The following FAM53A variants were observed in gnomAD, a reference collection of about 807,000 sequenced individuals.
FAM53A encodes the protein family with sequence similarity 53 member A.
A neutral mutation model predicts 26.6 loss-of-function variants in FAM53A; 28 were observed. That is an observed-to-expected ratio of 1.05 (90% CI 0.78 to 1.45). The LOEUF is 1.45. FAM53A is among the 40% of genes most tolerant of loss of function. The pLI is 0.00. For synonymous variants in FAM53A, 290 were observed against 253.1 expected (o/e 1.15, Z -1.38); for missense variants, 650 against 575.8 (o/e 1.13, Z -1.32).
rs971255851 is a variant in FAM53A, at chr4:1,659,929, G to A, written c.76-2461C>T. On this transcript the variant is annotated intron_variant, in intron 2 of 4. Coordinates refer to ENST00000308132, the MANE Select transcript of FAM53A (RefSeq NM_001174070.3). The surrounding 1 kb of genome is among the most constrained non-coding windows in gnomAD (Gnocchi z 5.2). ...GGCCCCACCTCCAAATATTCATCCCGTCACCTTGAGGGTGAGGACTTCAAC... is the reference window on the plus strand; with the variant it reads ...GGCCCCACCTCCAAATATTCATCCCATCACCTTGAGGGTGAGGACTTCAAC... Among the ~76,000 whole-genome samples the A allele has an allele frequency of 1.6e-4, 24 of 152,126 alleles. No homozygotes were observed. Among genetic ancestry groups the A allele is most frequent in the Non-Finnish European group, 3.2e-4 (22 of 68,036 alleles).
At chr4:1,605,617 C>T in the FAM53A span, among the ~76,000 whole-genome samples, 573 of 140,756 alleles carry the variant, frequency 4.1e-3, 2 homozygotes, top group Non-Finnish European at 6.9e-3. This position sits in a 1 kb window ranked among gnomAD's most constrained non-coding sequence, Gnocchi z 5.7. Flanking sequence ...CAGGTGTGGA[C>T]GCGGCTCCTC....
At chr4:1,626,200 T>C (rs1577085837) in intron 1 of FAM53A, among the ~76,000 whole-genome samples, 1 of 152,122 alleles carries the variant, frequency 6.6e-6, no homozygotes, top group Non-Finnish European at 1.5e-5. Flanking sequence ...CCAGGGGCGG[T>C]TGGCCCAGGA....
At chr4:1,644,400 GA>G (rs765520268) in intron 4 of FAM53A, 2 of 1,519,380 alleles carry the variant, frequency 1.3e-6, no homozygotes, top group East Asian at 2.5e-5. Flanking sequence ...CGGTGCAGGA[GA>G]AAAAACTTCT....
At chr4:1,645,346 C>T (rs541507483) in intron 4 of FAM53A, among the ~76,000 whole-genome samples, 2 of 152,342 alleles carry the variant, frequency 1.3e-5, no homozygotes, top group African/African-American at 4.8e-5. Flanking sequence ...CCCCTTGTTG[C>T]CTCTGGTGAG....
intron 2 of FAM53A, among the ~76,000 whole-genome samples, chr4:1,664,388 G>A (rs1714073247): frequency 6.6e-6 from 1 of 152,164 alleles, no homozygotes; most frequent in Admixed American, 6.6e-5. Flanking sequence ...GGGTATGTAT[G>A]AAGACATACT....
downstream of FAM53A, among the ~76,000 whole-genome samples, chr4:1,635,087 C>T (rs545475682): frequency 1.3e-5 from 2 of 152,144 alleles, no homozygotes; most frequent in East Asian, 1.9e-4. Context: ...TCATAATATC[C>T]TCTATCTTTA....
At chr4:1,673,254 G>A (rs115930522) in intron 1 of FAM53A, among the ~76,000 whole-genome samples, 171 of 152,272 alleles carry the variant, frequency 1.1e-3, no homozygotes, top group African/African-American at 3.9e-3. Flanking sequence ...ACGGCAGGGA[G>A]GACATGTCCC....
the FAM53A span, among the ~76,000 whole-genome samples, chr4:1,581,850 C>T: frequency 6.6e-6 from 1 of 152,168 alleles, no homozygotes; most frequent in East Asian, 1.9e-4. Flanking sequence ...CCTCCTCATC[C>T]TCCCAAAGTG....
At chr4:1,610,497 G>A in the FAM53A span, among the ~76,000 whole-genome samples, 1 of 152,178 alleles carries the variant, frequency 6.6e-6, no homozygotes, top group African/African-American at 2.4e-5. Flanking sequence ...CAGGGCCCCT[G>A]TTTTCGGGGC....
chr4:1,596,748 T>C, the FAM53A span, among the ~76,000 whole-genome samples: 1 of 151,718 alleles, frequency 6.6e-6, no homozygotes, highest in African/African-American at 2.4e-5. Flanking sequence ...ACTTCTCCCA[T>C]GAAACTTCCT....
At chr4:1,685,762 C>G (rs1715778792), upstream of FAM53A, among the ~76,000 whole-genome samples, 1 of 152,164 alleles carries the variant, frequency 6.6e-6, no homozygotes, top group Non-Finnish European at 1.5e-5. Flanking sequence ...CTGCAACAGT[C>G]AGGCTGTGCT....
chr4:1,667,719 G>C (rs146416910), intron 2 of FAM53A, among the ~76,000 whole-genome samples: 401 of 152,214 alleles, frequency 2.6e-3, no homozygotes, highest in African/African-American at 9.2e-3. Flanking sequence ...ACACGCAAGG[G>C]GCTACAAATG....
In FAM53A at chr4:1,656,369, T is replaced by C. The variant is rs1028918717; in HGVS notation, c.137-646A>G. Among the ~76,000 whole-genome samples, 16 of 152,090 alleles carry C rather than the reference T, an allele frequency of 1.1e-4. No individual in the cohort carries two copies. The East Asian group carries it at 1.2e-3, about 11-fold the overall frequency. ...AGCCTGGAGAGCAAGGCCAGGTGCA[T>C]GGGCCTGGCATGGAGTCTGCCCAGT... On this transcript the variant is annotated intron_variant, in intron 3 of 4. Transcript: ENST00000308132.
chr4:1,679,314 G>T (rs1054911277), intron 1 of FAM53A, among the ~76,000 whole-genome samples: 1 of 148,464 alleles, frequency 6.7e-6, no homozygotes, highest in African/African-American at 2.5e-5. Flanking sequence ...TTGAACCCAG[G>T]AGCTGAGGTT....
intron 3 of FAM53A, 108 bp from the exon 4 acceptor site, chr4:1,655,831 T>G: frequency 7.7e-7 from 1 of 1,297,166 alleles, no homozygotes; most frequent in Non-Finnish European, 1.0e-6. Flanking sequence ...CACAACCCCA[T>G]CGCCGCCACC....
the FAM53A span, among the ~76,000 whole-genome samples, chr4:1,586,503 C>T: frequency 5.2e-3 from 797 of 152,046 alleles, 1 homozygote; most frequent in African/African-American, 0.011. Context: ...AGGCCAGGCG[C>T]GGTGGCTCAC....
chr4:1,668,806 G>C lies in FAM53A; in HGVS notation c.-65C>G. On this transcript the variant is annotated 5_prime_UTR_variant, in exon 2 of 5. Transcript: ENST00000308132. The stretch of plus-strand genomic sequence containing the variant: ...TGGAGTCCTGGAACATCAGACTTGC[G>C]AAGGCCCCAGCATTGCTGGGTCAGC... 6.6e-7 allele frequency: 1 copy of C among 1,523,284 alleles called. No individual in the cohort carries two copies. The highest frequency in any genetic ancestry group is 9.1e-7 in the Non-Finnish European group (1 of 1,100,064). 94.4% of individuals were successfully genotyped at this position (1,523,284 alleles called of 1,614,324 possible). A position where few individuals can be genotyped will look rare whatever the true frequency, so the allele number is the denominator to read the frequency against.
chr4:1,648,829 C>A (rs1021510260), intron 4 of FAM53A, among the ~76,000 whole-genome samples: 2 of 152,146 alleles, frequency 1.3e-5, no homozygotes, highest in African/African-American at 4.8e-5. Flanking sequence ...GAAAACGGGG[C>A]AAGCCGGGAG....
chr4:1,654,647 A>G lies in FAM53A; in HGVS notation c.882+331T>C, dbSNP rs185012173. ...AAGTCAGGGGACTCCCCAGCAGCTG[A>G]GGCGGGGGGCGGCTCAGCCAGGCCA... On this transcript the variant is annotated intron_variant, in intron 4 of 4. Transcript: ENST00000308132. 2.9e-3 allele frequency among the ~76,000 whole-genome samples: 435 copies of G among 152,336 alleles called. 3 individuals are homozygous for G. Among genetic ancestry groups the G allele is most frequent in the African/African-American group, 0.01 (423 of 41,590 alleles).
Sources: gnomAD v4.1 joint callset for allele counts (sites outside exome capture counted in the v4.1 genomes callset) on GRCh38, gnomAD v4.1.1 for gene constraint, Gnocchi (gnomAD v3.1) non-coding constraint, MANE v1.5 for transcripts, NCBI Gene and HGNC (gene_info 2026-07-23, HGNC 2026-07-21) for gene names.